Variants in CLEC4D observed in about 807,000 individuals in gnomAD.
The protein encoded by CLEC4D is C-type (calcium dependent, carbohydrate-recognition domain) lectin, superfamily member 8.
CLEC4D carries 21 observed loss-of-function variants against 21.1 expected under a neutral mutation model. That is an observed-to-expected ratio of 1.00 (90% CI 0.71 to 1.43). The LOEUF (loss-of-function observed/expected upper bound fraction) is 1.43, where lower values mean the gene tolerates loss of function less well. Ranked by LOEUF, CLEC4D falls within the 40% of genes most tolerant of loss-of-function variation. The pLI, the probability that CLEC4D is intolerant of heterozygous loss-of-function variation, is 0.00. For synonymous variants in CLEC4D, 85 were observed against 83.1 expected (o/e 1.02, Z -0.12); for missense variants, 289 against 260.7 (o/e 1.11, Z -0.75).
At chr12:8,522,446 G>A (rs12302626), downstream of CLEC4D, 49,976 of 152,002 alleles carry the variant, frequency 0.33, 10,545 homozygotes, top group African/African-American at 0.61. Context: ...TCCTACTACT[G>A]CTTTTAAAAG....
chr12:8,528,113 A>G, the CLEC4D span, among the ~76,000 whole-genome samples: 1 of 152,092 alleles, frequency 6.6e-6, no homozygotes, highest in Non-Finnish European at 1.5e-5. Flanking sequence ...GCCTCAAAAC[A>G]CCACTGACTG....
chr12:8,527,066 G>C (rs775046147), downstream of CLEC4D, among the ~76,000 whole-genome samples: 102 of 152,294 alleles, frequency 6.7e-4, 3 homozygotes, highest in South Asian at 0.02. Context: ...ACGGGTGCCT[G>C]CTCCTTTTTC....
At position 8,513,628 on chromosome 12, in the gene CLEC4D, A is replaced by C; in HGVS notation, c.-105A>C. ...TATGTAACATTGGTGTTCGATCTCAAGTATTTCTGAATATATTCCCCTATC... is the reference window on the plus strand; with the variant it reads ...TATGTAACATTGGTGTTCGATCTCACGTATTTCTGAATATATTCCCCTATC... On this transcript the variant is annotated 5_prime_UTR_variant, in exon 1 of 6. Transcript: ENST00000299665. The C allele has an allele frequency of 1.5e-6, 1 of 673,342 alleles. No individual in the cohort carries two copies. Among genetic ancestry groups the C allele is most frequent in the Non-Finnish European group, 2.7e-6 (1 of 368,124 alleles). The allele number at this position is 673,342 out of a possible 1,614,324, so 41.7% of individuals were successfully genotyped here.
chr12:8,518,255 A>G lies in CLEC4D; in HGVS notation c.213A>G (p.Ser71=). 2 of 1,243,030 alleles carry G rather than the reference A, an allele frequency of 1.6e-6. No individual in the cohort carries two copies. The allele number at this position is 1,243,030 out of a possible 1,614,324, so 77.0% of individuals were successfully genotyped here. A position where few individuals can be genotyped will look rare whatever the true frequency, so the allele number is the denominator to read the frequency against. The change falls in exon 3 of 6, where the codon TCA becomes TCG. Residue 71 remains serine, a synonymous_variant. Coordinates refer to ENST00000299665, the MANE Select transcript of CLEC4D (RefSeq NM_080387.5). ...AGCTCAAATGCATCAAAGAGAAATC[A>G]GAACTGAAAAGTGCTGAAGGTACAG... ...HAKLKCIKEK[S]ELKSAEGSTW...
chr12:8,520,851 A>C (rs1311199168), intron 5 of CLEC4D, among the ~76,000 whole-genome samples: 1 of 152,196 alleles, frequency 6.6e-6, no homozygotes, highest in African/African-American at 2.4e-5. Context: ...ATCATTATAA[A>C]ATTATTACTG....
chr12:8,525,907 G>A (rs2136391722), downstream of CLEC4D, among the ~76,000 whole-genome samples: 1 of 152,260 alleles, frequency 6.6e-6, no homozygotes, highest in South Asian at 2.1e-4. Flanking sequence ...CTCAGCATTT[G>A]CTTGTCTGGA....
Position 8,516,882 on chromosome 12 carries a change from T to C in CLEC4D, c.122-1282T>C, listed in dbSNP as rs1231850305. ...GAGTAGAATAGATAAATATATTTTGTTTCAGGAAGACAATAGTTCACTTTA... is the reference window on the plus strand; with the variant it reads ...GAGTAGAATAGATAAATATATTTTGCTTCAGGAAGACAATAGTTCACTTTA... On this transcript the variant is annotated intron_variant, in intron 2 of 5. Transcript: ENST00000299665. Among the ~76,000 whole-genome samples the C allele has an allele frequency of 5.9e-5, 9 of 152,176 alleles. No individual in the cohort carries two copies. The East Asian group carries it at 1.7e-3, about 29-fold the overall frequency.
rs1201948234 is a variant in CLEC4D at position 8,521,147 on chromosome 12, A to C, written c.524A>C (p.Asp175Ala). 3 of 1,613,410 alleles carry C rather than the reference A, an allele frequency of 1.9e-6. No individual in the cohort carries two copies. The change falls in exon 6 of 6, where the codon GAC becomes GCC. Residue 175 changes from aspartate to alanine, a missense_variant. Transcript: ENST00000299665. ...RRVFWHKNEP[D>A]NSQGENCVVL... ...AGATTCTGGCATAAGAATGAACCCG[A>C]CAACTCTCAGGGAGAAAACTGTGTT...
chr12:8,518,159 G>T lies in CLEC4D; in HGVS notation c.122-5G>T. 9.7e-7 allele frequency: 1 copy of T among 1,035,904 alleles called. No individual in the cohort carries two copies. Among genetic ancestry groups the T allele is most frequent in the South Asian group, 1.3e-5 (1 of 78,684 alleles). 64.2% of individuals were successfully genotyped at this position (1,035,904 alleles called of 1,614,324 possible). A position where few individuals can be genotyped will look rare whatever the true frequency, so the allele number is the denominator to read the frequency against. On this transcript the variant is annotated splice_region_variant and splice_polypyrimidine_tract_variant and intron_variant, in intron 2 of 5. Coordinates refer to ENST00000299665, the MANE Select transcript of CLEC4D (RefSeq NM_080387.5). Reference sequence around the variant, plus strand: ...AGAAACCTAACTTGCTTTTATCCTTGACAGTGACTCATCACAACTTTTCAC... The same window carrying T: ...AGAAACCTAACTTGCTTTTATCCTTTACAGTGACTCATCACAACTTTTCAC...
chr12:8,516,798 G>A (rs921113309), intron 2 of CLEC4D, among the ~76,000 whole-genome samples: 2 of 152,228 alleles, frequency 1.3e-5, no homozygotes, highest in Non-Finnish European at 2.9e-5. Context: ...GGTTGAAAAT[G>A]CTCAGAAGAG....
At chr12:8,528,371 C>T in the CLEC4D span, among the ~76,000 whole-genome samples, 2 of 152,120 alleles carry the variant, frequency 1.3e-5, no homozygotes, top group African/African-American at 4.8e-5. Context: ...GCAAGAAGGC[C>T]CTCACCAGAC....
At chr12:8,529,597 G>A in the CLEC4D span, among the ~76,000 whole-genome samples, 1 of 152,068 alleles carries the variant, frequency 6.6e-6, no homozygotes, top group African/African-American at 2.4e-5. Flanking sequence ...GCCTGGGGAC[G>A]GAGTGAGATC....
chr12:8,522,243 GT>G lies in CLEC4D; in HGVS notation c.*975del, dbSNP rs1377522194. On this transcript the variant is annotated 3_prime_UTR_variant, in exon 6 of 6. Coordinates refer to ENST00000299665, the MANE Select transcript of CLEC4D (RefSeq NM_080387.5). ...GTTTCTTTAGAGCTGTATAACTATA[GT>G]TTGAACTAGCAAGGAAGTTATTGTT... 11 of 152,202 alleles carry G rather than the reference GT, an allele frequency of 7.2e-5. No homozygotes were observed. Among genetic ancestry groups the G allele is most frequent in the African/African-American group, 2.2e-4 (9 of 41,546 alleles). 9.4% of individuals were successfully genotyped at this position (152,202 alleles called of 1,614,324 possible).
At chr12:8,515,094 T>C in intron 1 of CLEC4D, 142 bp from the exon 2 acceptor site, 1 of 495,308 alleles carries the variant, frequency 2.0e-6, no homozygotes. Context: ...CTAAAATTGA[T>C]TTATTTGGAG....
At chr12:8,518,296 C>A in intron 3 of CLEC4D, 22 bp downstream of exon 3, 2 of 893,116 alleles carry the variant, frequency 2.2e-6, no homozygotes, top group African/African-American at 1.6e-5. Context: ...AAGATAATTT[C>A]TTTTTTAATT....
Position 8,522,215 on chromosome 12 carries a change from A to C in CLEC4D, c.*944A>C, listed in dbSNP as rs1339112189. 6.6e-6 allele frequency: 1 copy of C among 152,192 alleles called. No individual in the cohort carries two copies. The highest frequency in any genetic ancestry group is 1.9e-4 in the East Asian group (1 of 5,206). The allele number at this position is 152,192 out of a possible 1,614,324, so 9.4% of individuals were successfully genotyped here. A position where few individuals can be genotyped will look rare whatever the true frequency, so the allele number is the denominator to read the frequency against. ...TTTCAACCCATTTATACAAATTGTT[A>C]ATGTTTCTTTAGAGCTGTATAACTA... On this transcript the variant is annotated 3_prime_UTR_variant, in exon 6 of 6. Coordinates refer to ENST00000299665, the MANE Select transcript of CLEC4D (RefSeq NM_080387.5).
intron 1 of CLEC4D, among the ~76,000 whole-genome samples, chr12:8,514,636 C>T (rs1940352562): frequency 6.6e-6 from 1 of 152,098 alleles, no homozygotes; most frequent in Admixed American, 6.5e-5. Flanking sequence ...CATTTATTTT[C>T]TCACTAAGAG....
downstream of CLEC4D, among the ~76,000 whole-genome samples, chr12:8,525,739 T>G (rs1940500892): frequency 6.6e-6 from 1 of 152,148 alleles, no homozygotes; most frequent in Non-Finnish European, 1.5e-5. Context: ...ATGATGCTAT[T>G]TGGTTTTTTT....
At chr12:8,519,309 A>T in intron 4 of CLEC4D, 149 bp downstream of exon 4, 1 of 1,278,886 alleles carries the variant, frequency 7.8e-7, no homozygotes, top group Non-Finnish European at 1.0e-6. Context: ...TTTTTGTCAT[A>T]TGGCCAACTT....
Sources: gnomAD v4.1 joint callset for allele counts (sites outside exome capture counted in the v4.1 genomes callset) on GRCh38, gnomAD v4.1.1 for gene constraint, MANE v1.5 for transcripts, NCBI Gene and HGNC (gene_info 2026-07-23, HGNC 2026-07-21) for gene names.